Variants in PREP observed in about 807,000 individuals in gnomAD.
PREP encodes the protein dJ355L5.1 (prolyl endopeptidase).
In PREP, 29 loss-of-function variants were observed where a neutral mutation model predicts 87.6. The ratio of observed to expected loss-of-function variants is 0.33; its 90% CI spans 0.25 to 0.45. The LOEUF is 0.45. Ranked by LOEUF, PREP falls within the 20% of genes least tolerant of loss-of-function variation. PREP has a pLI of 1.00. For synonymous variants in PREP, 337 were observed against 328.6 expected (o/e 1.03, Z -0.28); for missense variants, 695 against 886.5 (o/e 0.78, Z 2.74).
intron 14 of PREP, among the ~76,000 whole-genome samples, chr6:105,279,657 G>C (rs1289771920): frequency 2.6e-5 from 4 of 152,206 alleles, no homozygotes; most frequent in Non-Finnish European, 4.4e-5. Context: ...TGCTGGGCTT[G>C]AGGAGCTCCC....
At chr6:105,301,490 C>T (rs1770538590) in intron 10 of PREP, among the ~76,000 whole-genome samples, 1 of 152,228 alleles carries the variant, frequency 6.6e-6, no homozygotes, top group South Asian at 2.1e-4. Flanking sequence ...GGAGGCATTA[C>T]ATGTTTCTGT....
At chr6:105,316,732 T>C (rs1770879868) in intron 10 of PREP, among the ~76,000 whole-genome samples, 1 of 152,224 alleles carries the variant, frequency 6.6e-6, no homozygotes, top group Non-Finnish European at 1.5e-5. Context: ...ATAAAATATT[T>C]AGTATTTAAA....
chr6:105,393,433 T>C (rs1343276300), intron 2 of PREP, among the ~76,000 whole-genome samples: 2 of 152,104 alleles, frequency 1.3e-5, no homozygotes, highest in Non-Finnish European at 1.5e-5. Context: ...GGATGAATCT[T>C]TTCTAGCTGT....
intron 4 of PREP, 108 bp downstream of exon 4, chr6:105,376,017 T>C: frequency 7.5e-7 from 1 of 1,335,878 alleles, no homozygotes; most frequent in Non-Finnish European, 1.0e-6. Context: ...TGTTCCACAA[T>C]ATGGTCCACA....
intron 10 of PREP, among the ~76,000 whole-genome samples, chr6:105,305,558 G>T (rs562857577): frequency 1.3e-5 from 2 of 152,288 alleles, no homozygotes; most frequent in East Asian, 1.9e-4. Flanking sequence ...AACGGGGCAG[G>T]GGGGACATGA....
chr6:105,343,012 A>G (rs2114671651), intron 7 of PREP, among the ~76,000 whole-genome samples: 1 of 152,330 alleles, frequency 6.6e-6, no homozygotes, highest in East Asian at 1.9e-4. Context: ...TCTTCACAGA[A>G]TTGGAAAAAA....
chr6:105,358,733 CAA>C (rs1254966591), intron 6 of PREP, among the ~76,000 whole-genome samples: 8 of 152,170 alleles, frequency 5.3e-5, no homozygotes, highest in East Asian at 1.9e-4. Context: ...TCTTTCTTGG[CAA>C]AGTTTCCTCG....
chr6:105,351,276 C>T lies in PREP; in HGVS notation c.823+1696G>A, dbSNP rs114109764. Among the ~76,000 whole-genome samples the T allele has an allele frequency of 4.9e-3, 739 of 152,310 alleles. 9 individuals carry two copies. Among genetic ancestry groups the T allele is most frequent in the African/African-American group, 0.017 (697 of 41,570 alleles). ...GAAGGCCTTAAGAGCAGAGCTGAGG[C>T]TTCCCTGGAGCTCTGAATGGATCAT... On this transcript the variant is annotated intron_variant, in intron 7 of 14. Transcript: ENST00000652536.
chr6:105,313,102 T>A (rs1248900832), intron 10 of PREP, among the ~76,000 whole-genome samples: 5 of 152,194 alleles, frequency 3.3e-5, no homozygotes, highest in Non-Finnish European at 7.3e-5. Context: ...CCAGTCTACC[T>A]CCCTAAAACC....
intron 10 of PREP, among the ~76,000 whole-genome samples, chr6:105,312,846 T>C (rs1770786060): frequency 6.6e-6 from 1 of 151,554 alleles, no homozygotes; most frequent in Non-Finnish European, 1.5e-5. Context: ...CAGAGGTGAG[T>C]CTGAGTATGG....
intron 6 of PREP, among the ~76,000 whole-genome samples, chr6:105,361,862 G>A (rs888017789): frequency 6.6e-5 from 10 of 152,086 alleles, no homozygotes; most frequent in Non-Finnish European, 1.2e-4. Context: ...AAAATAAGGG[G>A]CAATGCCAGT....
chr6:105,375,394 T>C (rs2114711256), intron 4 of PREP, among the ~76,000 whole-genome samples: 1 of 152,356 alleles, frequency 6.6e-6, no homozygotes, highest in Admixed American at 6.5e-5. Context: ...ATAACATCAT[T>C]ATCATTGTAG....
At chr6:105,395,467 G>C (rs1773265918) in intron 2 of PREP, among the ~76,000 whole-genome samples, 1 of 152,178 alleles carries the variant, frequency 6.6e-6, no homozygotes, top group Non-Finnish European at 1.5e-5. Context: ...GAAATAAAAA[G>C]ATATATTTCA....
At chr6:105,339,383 C>T (rs1771572152) in intron 7 of PREP, among the ~76,000 whole-genome samples, 1 of 152,004 alleles carries the variant, frequency 6.6e-6, no homozygotes, top group Admixed American at 6.6e-5. Context: ...ATCTGTACGT[C>T]ACCATCATCA....
intron 10 of PREP, chr6:105,298,515 T>A (rs966582695): frequency 6.6e-6 from 1 of 152,562 alleles, no homozygotes; most frequent in Non-Finnish European, 1.5e-5. Context: ...GGTGCAGGGG[T>A]TGACACTGTT....
At chr6:105,292,472 C>T (rs1378445120) in intron 10 of PREP, among the ~76,000 whole-genome samples, 1 of 152,168 alleles carries the variant, frequency 6.6e-6, no homozygotes, top group Admixed American at 6.5e-5. Flanking sequence ...TAGGTCTCAA[C>T]AGTGGGCCTA....
chr6:105,392,576 A>T (rs1415457685), intron 2 of PREP, among the ~76,000 whole-genome samples: 1 of 151,724 alleles, frequency 6.6e-6, no homozygotes, highest in Non-Finnish European at 1.5e-5. Context: ...TTACAAATGT[A>T]GTTTTTGTTT....
intron 14 of PREP, among the ~76,000 whole-genome samples, chr6:105,279,787 ATATT>A (rs1324623173): frequency 2.6e-5 from 4 of 152,220 alleles, no homozygotes; most frequent in Non-Finnish European, 4.4e-5. Flanking sequence ...ATGGAGAAAA[ATATT>A]TAGAACTTTC....
At chr6:105,385,350 A>C (rs1772964781) in intron 2 of PREP, among the ~76,000 whole-genome samples, 1 of 151,920 alleles carries the variant, frequency 6.6e-6, no homozygotes, top group Admixed American at 6.6e-5. Flanking sequence ...AATCAAGCAA[A>C]GATGATGCTA....
Sources: gnomAD v4.1 joint callset for allele counts (sites outside exome capture counted in the v4.1 genomes callset) on GRCh38, gnomAD v4.1.1 for gene constraint, MANE v1.5 for transcripts, NCBI Gene and HGNC (gene_info 2026-07-23, HGNC 2026-07-21) for gene names.